The following FAM184B variants were observed in gnomAD, a reference collection of about 807,000 sequenced individuals.
FAM184B encodes protein FAM184B.
FAM184B carries 111 observed loss-of-function variants against 135.9 expected under a neutral mutation model. The ratio of observed to expected loss-of-function variants is 0.82; its 90% CI spans 0.70 to 0.96. The LOEUF (loss-of-function observed/expected upper bound fraction) is 0.96, where lower values mean the gene tolerates loss of function less well. Among genes scored for constraint, FAM184B ranks in the 40% least tolerant of loss-of-function variants. The pLI, the probability that FAM184B is intolerant of heterozygous loss-of-function variation, is 0.00. For missense variants in FAM184B, 1,375 were observed against 1,323.9 expected (o/e 1.04, Z -0.60); for synonymous variants, 552 against 524.8 (o/e 1.05, Z -0.71).
At chr4:17,671,828 C>T (rs1716175929) in intron 7 of FAM184B, among the ~76,000 whole-genome samples, 2 of 151,320 alleles carry the variant, frequency 1.3e-5, no homozygotes, top group African/African-American at 4.9e-5. Flanking sequence ...GACCTGAAAA[C>T]ACAATAACAC....
intron 1 of FAM184B, among the ~76,000 whole-genome samples, chr4:17,765,314 T>C (rs965534469): frequency 1.4e-4 from 22 of 152,214 alleles, no homozygotes; most frequent in African/African-American, 5.3e-4. Flanking sequence ...GCATTACCTG[T>C]AACAAAGGTG....
chr4:17,743,806 T>C (rs1718097172), intron 1 of FAM184B, among the ~76,000 whole-genome samples: 1 of 152,228 alleles, frequency 6.6e-6, no homozygotes, highest in Admixed American at 6.5e-5. Context: ...TTTTCTATTG[T>C]TGATAAACAA....
Position 17,639,362 on chromosome 4 carries a change from TG to T in FAM184B, c.2553del (p.Arg852GlyfsTer39). On this transcript the variant is annotated frameshift_variant, in exon 14 of 18. Coordinates refer to ENST00000265018, the MANE Select transcript of FAM184B (RefSeq NM_015688.2). LOFTEE classifies it high-confidence loss of function. ...FLEETQQAQRAREVETLRQEH... is the reference protein window; with the variant it reads ...FLEETQQAQRXREVETLRQEH... ...TCCTGGCGCAGTGTCTCCACCTCCCTGGCCCGCTGGGCTTGCTGAGTCTCCT... is the reference window on the plus strand; with the variant it reads ...TCCTGGCGCAGTGTCTCCACCTCCCTGCCCGCTGGGCTTGCTGAGTCTCCT... 1 of 1,551,702 alleles carries T rather than the reference TG, an allele frequency of 6.4e-7. No individual in the cohort carries two copies. The highest frequency in any genetic ancestry group is 2.4e-5 in the East Asian group (1 of 40,914).
At chr4:17,670,500 T>A (rs1716145144) in intron 7 of FAM184B, among the ~76,000 whole-genome samples, 1 of 152,194 alleles carries the variant, frequency 6.6e-6, no homozygotes, top group African/African-American at 2.4e-5. Flanking sequence ...AAAGGGAATC[T>A]GCAGGATGTA....
intron 7 of FAM184B, among the ~76,000 whole-genome samples, chr4:17,675,446 A>G (rs1335699826): frequency 6.6e-6 from 1 of 152,212 alleles, no homozygotes; most frequent in African/African-American, 2.4e-5. Flanking sequence ...CAAGTAGAGT[A>G]GACTTCACAC....
At chr4:17,698,027 A>C (rs943544619) in intron 5 of FAM184B, among the ~76,000 whole-genome samples, 2 of 152,106 alleles carry the variant, frequency 1.3e-5, no homozygotes, top group African/African-American at 4.8e-5. Flanking sequence ...GCTCAGCCCA[A>C]AGTGACCTTG....
At chr4:17,721,179 C>T (rs898283880) in intron 1 of FAM184B, among the ~76,000 whole-genome samples, 5 of 151,494 alleles carry the variant, frequency 3.3e-5, no homozygotes, top group Admixed American at 2.6e-4. Flanking sequence ...GTCAGGAGAT[C>T]GAGACCATCC....
intron 1 of FAM184B, among the ~76,000 whole-genome samples, chr4:17,733,645 G>A (rs1206066665): frequency 1.3e-5 from 2 of 152,098 alleles, no homozygotes; most frequent in African/African-American, 4.8e-5. Flanking sequence ...CCTCTTCAAG[G>A]AGAACTACAA....
At chr4:17,640,704 A>T (rs185053654) in intron 13 of FAM184B, among the ~76,000 whole-genome samples, 2 of 152,216 alleles carry the variant, frequency 1.3e-5, no homozygotes, top group African/African-American at 4.8e-5. Context: ...ACAAACTGCT[A>T]AAGCTCACTT....
In FAM184B at chr4:17,652,924, T is replaced by C; in HGVS notation, c.2097A>G (p.Thr699=). Residue 699 remains threonine, a synonymous_variant, in exon 11 of 18, where the codon ACA becomes ACG. Transcript: ENST00000265018. ...CCAAGGCCTGGAGCTCCAGTCGGTG[T>C]GTCTGGTGTTGGATCTGGAGGCTGT... ...SSHSLQIQHQ[T]HRLELQALEE... The C allele has an allele frequency of 4.5e-6, 7 of 1,551,678 alleles. No homozygotes were observed. The highest frequency in any genetic ancestry group is 6.1e-6 in the Non-Finnish European group (7 of 1,146,960).
rs1715510213 is a variant in FAM184B at position 17,647,796 on chromosome 4, A to G, written c.2192-5T>C. ...ACAGCTCCTGTCTGAGCGACTCTGG[A>G]AAAGGGAGAGCAGCAGTGAGTTAGG... On this transcript the variant is annotated splice_region_variant and splice_polypyrimidine_tract_variant and intron_variant, in intron 11 of 17. Transcript: ENST00000265018. The G allele has an allele frequency of 1.3e-6, 2 of 1,548,482 alleles. No homozygotes were observed. The highest frequency in any genetic ancestry group is 2.0e-5 in the Admixed American group (1 of 50,920).
At chr4:17,633,610 G>A in intron 17 of FAM184B, 79 bp downstream of exon 17, 1 of 1,271,820 alleles carries the variant, frequency 7.9e-7, no homozygotes, top group Non-Finnish European at 1.0e-6. Context: ...TTTGGTACCA[G>A]GTGCTAGAAA....
intron 1 of FAM184B, among the ~76,000 whole-genome samples, chr4:17,716,999 T>C (rs2108970186): frequency 6.6e-6 from 1 of 152,118 alleles, no homozygotes; most frequent in East Asian, 1.9e-4. Flanking sequence ...TTAGTAAAGA[T>C]GGGGTTTCAC....
chr4:17,643,210 AATTAG>A (rs910655622), intron 12 of FAM184B, among the ~76,000 whole-genome samples: 3 of 152,130 alleles, frequency 2.0e-5, no homozygotes, highest in African/African-American at 7.2e-5. Context: ...GAGATATGAG[AATTAG>A]ATCCCAGTAG....
chr4:17,679,724 G>T (rs541883784), intron 7 of FAM184B, among the ~76,000 whole-genome samples: 1 of 152,198 alleles, frequency 6.6e-6, no homozygotes, highest in South Asian at 2.1e-4. Flanking sequence ...ACTTGCACAC[G>T]CATGTTTATA....
chr4:17,657,971 T>C (rs1715814869), intron 10 of FAM184B, among the ~76,000 whole-genome samples: 1 of 152,142 alleles, frequency 6.6e-6, no homozygotes, highest in Non-Finnish European at 1.5e-5. Context: ...CTGTTCTTTC[T>C]CAATTCTGTG....
In FAM184B at chr4:17,673,534, G is replaced by A. The variant is rs568983542; in HGVS notation, c.1597-8875C>T. Among the ~76,000 whole-genome samples, 9 of 152,232 alleles carry A rather than the reference G, an allele frequency of 5.9e-5. No individual in the cohort carries two copies. The South Asian group carries it at 1.2e-3, about 21-fold the overall frequency. ...CCAACCCAAATGCTCATCAATCAAC[G>A]AGCAGATAAAGAAACTGTGGTATAT... On this transcript the variant is annotated intron_variant, in intron 7 of 17. Transcript: ENST00000265018.
At chr4:17,650,969 C>T (rs1032459075) in intron 11 of FAM184B, among the ~76,000 whole-genome samples, 3 of 152,062 alleles carry the variant, frequency 2.0e-5, no homozygotes, top group South Asian at 2.1e-4. Context: ...ACTGACCTCA[C>T]GTGATCCTCT....
intron 3 of FAM184B, among the ~76,000 whole-genome samples, chr4:17,706,706 C>T (rs545921556): frequency 6.9e-4 from 105 of 152,264 alleles, no homozygotes; most frequent in Non-Finnish European, 1.0e-3. Context: ...TGGTGGCTAA[C>T]GCCTATAATC....
Sources: gnomAD v4.1 joint callset for allele counts (sites outside exome capture counted in the v4.1 genomes callset) on GRCh38, gnomAD v4.1.1 for gene constraint, MANE v1.5 for transcripts, NCBI Gene and HGNC (gene_info 2026-07-23, HGNC 2026-07-21) for gene names.